WDFY4: variants seen among roughly 807,000 people sequenced by gnomAD.
WDFY4 encodes the protein WD repeat- and FYVE domain-containing protein 4.
Under a neutral mutation model 351.9 loss-of-function variants are expected in WDFY4, and 169 were observed. The observed-to-expected ratio is 0.48, with a 90% CI of 0.42 to 0.55. WDFY4 has a LOEUF of 0.55. Ranked by LOEUF, WDFY4 falls within the 20% of genes least tolerant of loss-of-function variation. WDFY4 has a pLI of 0.00. For missense variants in WDFY4, 3,803 were observed against 3,935.6 expected, an observed-to-expected ratio of 0.97 and a Z score of 0.90; for synonymous variants, 1,622 against 1,574.6, an observed-to-expected ratio of 1.03 and a Z score of -0.71.
chr10:48,936,204 A>G (rs2133719087), intron 47 of WDFY4, among the ~76,000 whole-genome samples: 1 of 152,264 alleles, frequency 6.6e-6, no homozygotes, highest in East Asian at 1.9e-4. Context: ...AGAAATAAAA[A>G]CAAAACAAAT....
Position 48,926,071 on chromosome 10 carries a change from CCT to C in WDFY4, c.7587-15725_7587-15724del, listed in dbSNP as rs561828130. Among the ~76,000 whole-genome samples, 8 of 152,222 alleles carry C rather than the reference CCT, an allele frequency of 5.3e-5. No individual in the cohort carries two copies. In the East Asian group the frequency reaches 1.4e-3, roughly 26 times the overall value. ...TACAATCTTTCTATACACTGTGCCA[CCT>C]CTCTCTCTCCTCCCTCTGTTGCCTG... On this transcript the variant is annotated intron_variant, in intron 47 of 61. Coordinates refer to ENST00000325239, the MANE Select transcript of WDFY4 (RefSeq NM_001394531.1).
In WDFY4 at chr10:48,975,005, G is replaced by T. The variant is rs908852867; in HGVS notation, c.9072G>T (p.Arg3024=). The part of the protein sequence containing the change: ...LTHVTRLPAH[R]EGISAITISD... ...ACGTGACCCGCCTGCCCGCCCATCG[G>T]GAAGGCATCTCAGCCATCACCATCA... The change falls in exon 58 of 62, where the codon CGG becomes CGT. Residue 3024 remains arginine (R), a synonymous_variant. Transcript: ENST00000325239. 5.2e-6 allele frequency: 8 copies of T among 1,551,578 alleles called. 1 individual carries two copies. In the Admixed American group the frequency reaches 5.9e-5, roughly 11 times the overall value.
intron 54 of WDFY4, 86 bp downstream of exon 54, chr10:48,964,140 A>T (rs983457172): frequency 7.1e-7 from 1 of 1,416,720 alleles, no homozygotes; most frequent in South Asian, 1.3e-5. Flanking sequence ...AAAGTGAAGG[A>T]GATGGCTGAA....
At position 48,720,123 on chromosome 10, in the gene WDFY4, C is replaced by A. The variant is rs147299795; in HGVS notation, c.347C>A (p.Ala116Glu). The A allele has an allele frequency of 1.1e-3, 1,768 of 1,551,452 alleles. 4 individuals carry two copies. Among genetic ancestry groups the A allele is most frequent in the Middle Eastern group, 4.3e-3 (26 of 5,992 alleles). ...CAGAAGGCCCTTGTGGGGAAGCCTG[C>A]GGGTAAGAGCATGGAGGTGCTGGCA... ...QLQKALVGKP[A>E]EQARLAAGQL... The change falls in exon 3 of 62, where the codon GCG (alanine) becomes GAG (glutamate). Residue 116 changes from alanine to glutamate, a missense_variant and splice_region_variant. Ala to Glu is a moderately radical substitution (Grantham distance 107, BLOSUM62 -1). Coordinates refer to ENST00000325239, the MANE Select transcript of WDFY4 (RefSeq NM_001394531.1).
At chr10:48,767,379 G>A (rs1487950432) in intron 13 of WDFY4, among the ~76,000 whole-genome samples, 1 of 152,108 alleles carries the variant, frequency 6.6e-6, no homozygotes, top group African/African-American at 2.4e-5. Context: ...CTGGGTCGTG[G>A]TATATAAAAT....
At chr10:48,923,856 T>C (rs2133610043) in intron 47 of WDFY4, among the ~76,000 whole-genome samples, 1 of 152,296 alleles carries the variant, frequency 6.6e-6, no homozygotes, top group East Asian at 1.9e-4. Context: ...CCAAACACAC[T>C]GAGCATGGCT....
At chr10:48,703,012 A>G (rs894476426) in intron 1 of WDFY4, among the ~76,000 whole-genome samples, 4 of 152,216 alleles carry the variant, frequency 2.6e-5, no homozygotes, top group African/African-American at 7.2e-5. Flanking sequence ...TCAGCTGTGC[A>G]GGTAGATGTG....
chr10:48,857,446 T>C (rs889440815), intron 39 of WDFY4, among the ~76,000 whole-genome samples: 1 of 152,170 alleles, frequency 6.6e-6, no homozygotes. Flanking sequence ...TTTTGTTTAC[T>C]ATTGCTTTTT....
At chr10:48,723,393 T>C (rs1224105601) in intron 4 of WDFY4, 40 bp from the exon 5 acceptor site, 1 of 1,543,990 alleles carries the variant, frequency 6.5e-7, no homozygotes, top group Admixed American at 2.0e-5. Context: ...CTGCTTCTGC[T>C]GCCTTGCTGC....
intron 51 of WDFY4, among the ~76,000 whole-genome samples, chr10:48,955,196 C>T (rs1258891544): frequency 6.6e-6 from 1 of 152,208 alleles, no homozygotes. Flanking sequence ...ACCCCACCCC[C>T]ATTTTATTTC....
intron 12 of WDFY4, among the ~76,000 whole-genome samples, chr10:48,746,339 C>G (rs1341948230): frequency 6.6e-6 from 1 of 152,080 alleles, no homozygotes; most frequent in Non-Finnish European, 1.5e-5. Flanking sequence ...CCTAGTTGTA[C>G]ATTTTGCCTT....
chr10:48,914,515 CTG>C (rs1463922532), intron 47 of WDFY4, among the ~76,000 whole-genome samples: 1 of 152,210 alleles, frequency 6.6e-6, no homozygotes, highest in Non-Finnish European at 1.5e-5. Context: ...ATACTCTCCA[CTG>C]TCCCAGACTG....
At chr10:48,686,407 T>C (rs2063051362) in intron 1 of WDFY4, among the ~76,000 whole-genome samples, 1 of 152,096 alleles carries the variant, frequency 6.6e-6, no homozygotes, top group Non-Finnish European at 1.5e-5. Context: ...CCCTGTGTGC[T>C]GACACCTTAG....
intron 6 of WDFY4, among the ~76,000 whole-genome samples, chr10:48,726,896 CA>C (rs1422120017): frequency 4.6e-5 from 7 of 152,324 alleles, no homozygotes; most frequent in Middle Eastern, 6.8e-3. Context: ...CCTCTCTCTT[CA>C]GACTCAAATC....
intron 24 of WDFY4, among the ~76,000 whole-genome samples, chr10:48,802,029 G>A (rs181461787): frequency 2.7e-4 from 41 of 151,894 alleles, no homozygotes; most frequent in African/African-American, 9.7e-4. Flanking sequence ...AAAAAGTCTG[G>A]TGCCAGAAAA....
At chr10:48,860,039 C>T (rs190881017) in intron 39 of WDFY4, among the ~76,000 whole-genome samples, 1 of 152,196 alleles carries the variant, frequency 6.6e-6, no homozygotes, top group East Asian at 1.9e-4. Context: ...TAGAAATAGC[C>T]CCTGTTTCAT....
intron 61 of WDFY4, among the ~76,000 whole-genome samples, chr10:48,981,986 G>A (rs1293099995): frequency 6.6e-6 from 1 of 152,188 alleles, no homozygotes; most frequent in Non-Finnish European, 1.5e-5. Flanking sequence ...TACACACTGC[G>A]AGGTGCAGCC....
chr10:48,810,388 T>C, intron 28 of WDFY4, 142 bp from the exon 29 acceptor site: 1 of 734,058 alleles, frequency 1.4e-6, no homozygotes. Context: ...TTACTATTCT[T>C]TTTAAATGTA....
rs114856976 is a variant in WDFY4 at position 48,923,650 on chromosome 10, G to A, written c.7587-18156G>A. Among the ~76,000 whole-genome samples, 942 of 151,790 alleles carry A rather than the reference G, an allele frequency of 6.2e-3. 12 individuals are homozygous for A. The highest frequency in any genetic ancestry group is 0.022 in the African/African-American group (894 of 41,380). On this transcript the variant is annotated intron_variant, in intron 47 of 61. Transcript: ENST00000325239. ...TCGTTCATTTGTTCATTCACTGTAT[G>A]AGCATATTGAGTGCCTACCATTTAT...
Sources: gnomAD v4.1 joint callset for allele counts (sites outside exome capture counted in the v4.1 genomes callset) on GRCh38, gnomAD v4.1.1 for gene constraint, MANE v1.5 for transcripts, NCBI Gene and HGNC (gene_info 2026-07-23, HGNC 2026-07-21) for gene names.